The following ACTR3C variants were observed in gnomAD, a reference collection of about 807,000 sequenced individuals.
The protein encoded by ACTR3C is actin related protein 3C.
A neutral mutation model predicts 26.3 loss-of-function variants in ACTR3C; 18 were observed. The ratio of observed to expected loss-of-function variants is 0.68; its 90% CI spans 0.47 to 1.01. The LOEUF is 1.01. Among genes scored for constraint, ACTR3C ranks in the 50% least tolerant of loss-of-function variants. ACTR3C has a pLI of 0.00. For missense variants in ACTR3C, 184 were observed against 250.7 expected (o/e 0.73, Z 1.80); for synonymous variants, 55 against 94.5 (o/e 0.58, Z 2.42).
the ACTR3C span, among the ~76,000 whole-genome samples, chr7:150,229,125 C>T: frequency 1.3e-5 from 2 of 151,986 alleles, no homozygotes; most frequent in African/African-American, 4.8e-5. Flanking sequence ...GTGTTATCTG[C>T]TTAAAAAAAA....
the ACTR3C span, among the ~76,000 whole-genome samples, chr7:150,081,164 G>C: frequency 6.6e-6 from 1 of 151,510 alleles, no homozygotes; most frequent in East Asian, 1.9e-4. Context: ...AGAAAAGAAA[G>C]AAAGGGAGAG....
chr7:149,999,536 G>T, the ACTR3C span, among the ~76,000 whole-genome samples: 1 of 150,918 alleles, frequency 6.6e-6, no homozygotes, highest in African/African-American at 2.4e-5. Flanking sequence ...ACTTCTGAGG[G>T]TGTTTGTAGG....
chr7:150,133,240 C>T, the ACTR3C span, among the ~76,000 whole-genome samples: 2 of 152,210 alleles, frequency 1.3e-5, no homozygotes, highest in East Asian at 1.9e-4. Context: ...CTGTGTTCGA[C>T]GAGCCAGAGA....
At chr7:149,945,207 G>A in the ACTR3C span, among the ~76,000 whole-genome samples, 3 of 152,160 alleles carry the variant, frequency 2.0e-5, no homozygotes, top group East Asian at 5.8e-4. Context: ...CCCAACTGGA[G>A]ACCAGCTGCA....
the ACTR3C span, among the ~76,000 whole-genome samples, chr7:150,215,175 C>T: frequency 5.9e-5 from 9 of 151,878 alleles, no homozygotes; most frequent in Admixed American, 5.9e-4. Context: ...TATTAAATTT[C>T]CACAAAGTAT....
the ACTR3C span, among the ~76,000 whole-genome samples, chr7:149,976,575 G>GAA: frequency 1.2e-3 from 128 of 109,974 alleles, 1 homozygote; most frequent in Middle Eastern, 9.2e-3. Flanking sequence ...CTCTGTCTCA[G>GAA]AAAAAAAAAA....
chr7:150,221,678 A>G, the ACTR3C span, among the ~76,000 whole-genome samples: 39 of 152,228 alleles, frequency 2.6e-4, no homozygotes, highest in Non-Finnish European at 1.8e-4. Context: ...TTCTTCCTCA[A>G]GTGCATTGGC....
chr7:150,120,416 C>T, the ACTR3C span, among the ~76,000 whole-genome samples: 1 of 152,074 alleles, frequency 6.6e-6, no homozygotes, highest in African/African-American at 2.4e-5. Context: ...ACACTGATCC[C>T]ACACAAAATA....
the ACTR3C span, chr7:150,002,416 T>C: frequency 6.6e-6 from 1 of 152,288 alleles, no homozygotes; most frequent in Non-Finnish European, 1.5e-5. Flanking sequence ...CACACAGACG[T>C]GGAAAACTCC....
chr7:150,239,055 T>C (rs1478040568), downstream of ACTR3C, among the ~76,000 whole-genome samples: 14 of 152,050 alleles, frequency 9.2e-5, no homozygotes, highest in Admixed American at 9.2e-4. Context: ...TGGTTTGTTT[T>C]CATCCACCAT....
At chr7:150,039,187 GC>G in the ACTR3C span, among the ~76,000 whole-genome samples, 1 of 146,998 alleles carries the variant, frequency 6.8e-6, no homozygotes, top group African/African-American at 2.6e-5. Flanking sequence ...TCCCCGCCTC[GC>G]GGGGGGTGCC....
At chr7:150,126,989 A>G in the ACTR3C span, among the ~76,000 whole-genome samples, 2 of 152,200 alleles carry the variant, frequency 1.3e-5, no homozygotes, top group Non-Finnish European at 2.9e-5. Flanking sequence ...GCAAAATATT[A>G]CAGGTACTCT....
At chr7:150,285,936 G>A (rs1309787877) in intron 5 of ACTR3C, among the ~76,000 whole-genome samples, 1 of 152,088 alleles carries the variant, frequency 6.6e-6, no homozygotes, top group Non-Finnish European at 1.5e-5. Context: ...AACAGAGCAG[G>A]ACCAACTGTC....
the ACTR3C span, among the ~76,000 whole-genome samples, chr7:150,062,429 G>A: frequency 1.5e-5 from 2 of 134,966 alleles, no homozygotes; most frequent in Non-Finnish European, 1.6e-5. Context: ...CAGACTCCTT[G>A]AGAGGAGGGA....
chr7:150,137,660 C>T, the ACTR3C span, among the ~76,000 whole-genome samples: 17 of 152,122 alleles, frequency 1.1e-4, no homozygotes, highest in Non-Finnish European at 2.4e-4. Context: ...TAGTACAAAC[C>T]GTTTAGAGAA....
At chr7:150,082,991 G>A in the ACTR3C span, among the ~76,000 whole-genome samples, 1 of 140,648 alleles carries the variant, frequency 7.1e-6, no homozygotes, top group Non-Finnish European at 1.5e-5. Flanking sequence ...TGTCATCCAG[G>A]CTGGAGTGCA....
the ACTR3C span, among the ~76,000 whole-genome samples, chr7:150,183,112 T>C: frequency 6.6e-5 from 10 of 151,042 alleles, no homozygotes; most frequent in East Asian, 1.2e-3. Context: ...TAATTTTAAA[T>C]GCCACGTTAG....
the ACTR3C span, chr7:149,892,201 T>G: frequency 1.5e-6 from 2 of 1,330,708 alleles, no homozygotes; most frequent in Non-Finnish European, 2.0e-6. Flanking sequence ...AAATACAACT[T>G]CTAGATGACC....
At chr7:150,277,881 T>C (rs1292761635) in intron 6 of ACTR3C, among the ~76,000 whole-genome samples, 1 of 152,170 alleles carries the variant, frequency 6.6e-6, no homozygotes, top group Non-Finnish European at 1.5e-5. Flanking sequence ...CAAGCACTTT[T>C]CTAGAACTTA....
Sources: allele counts gnomAD v4.1 joint callset (sites outside exome capture counted in the v4.1 genomes callset), GRCh38; gene constraint gnomAD v4.1.1; transcripts MANE v1.5; gene names NCBI Gene and HGNC (gene_info 2026-07-23, HGNC 2026-07-21).